The following STYX variants were observed in gnomAD, a reference collection of about 807,000 sequenced individuals.
STYX encodes serine/threonine/tyrosine interacting protein, also known as serine/threonine/tyrosine-interacting protein.
In STYX, 20 loss-of-function variants were observed where a neutral mutation model predicts 42.7. That is an observed-to-expected ratio of 0.47 (90% CI 0.33 to 0.68). STYX has a LOEUF of 0.68. STYX is among the 30% of genes least tolerant of loss of function. The pLI is 0.02. For synonymous variants in STYX, 78 were observed against 81.9 expected (o/e 0.95, Z 0.26); for missense variants, 226 against 268.5 (o/e 0.84, Z 1.11).
At chr14:52,732,475 A>T (rs1014480552) in intron 1 of STYX, among the ~76,000 whole-genome samples, 2 of 151,684 alleles carry the variant, frequency 1.3e-5, no homozygotes, top group Admixed American at 6.6e-5. Context: ...GGGTTTCACC[A>T]TGTTGGCCAG....
At chr14:52,743,042 C>T (rs1476027917) in intron 1 of STYX, among the ~76,000 whole-genome samples, 3 of 151,604 alleles carry the variant, frequency 2.0e-5, no homozygotes, top group African/African-American at 4.8e-5. Context: ...GTGATCCACC[C>T]GCCTCAGCCT....
rs909462362 is a variant in STYX at position 52,772,980 on chromosome 14, C to A, written c.*1874C>A. ...AAAAGTTCCAGATAACACAGCTTTC[C>A]TGTATATAGATCACTATTGGGCAGG... On this transcript the variant is annotated 3_prime_UTR_variant, in exon 11 of 11. Transcript: ENST00000354586. 3.3e-5 allele frequency: 5 copies of A among 152,016 alleles called. No homozygotes were observed. The highest frequency in any genetic ancestry group is 1.2e-4 in the African/African-American group (5 of 41,354). 9.4% of individuals were successfully genotyped at this position (152,016 alleles called of 1,614,324 possible). A position where few individuals can be genotyped will look rare whatever the true frequency, so the allele number is the denominator to read the frequency against.
At chr14:52,748,507 C>T (rs886935682) in intron 3 of STYX, among the ~76,000 whole-genome samples, 6 of 152,084 alleles carry the variant, frequency 3.9e-5, no homozygotes, top group Non-Finnish European at 7.4e-5. Flanking sequence ...AATTTAGGGC[C>T]TTTGTAATTA....
chr14:52,746,538 A>C (rs1402775914), intron 3 of STYX, 59 bp downstream of exon 3: 2 of 1,416,168 alleles, frequency 1.4e-6, no homozygotes, highest in Non-Finnish European at 1.9e-6. Flanking sequence ...TTCTTGGGTA[A>C]GTTTTTTAGT....
intron 10 of STYX, among the ~76,000 whole-genome samples, chr14:52,769,158 C>T (rs1013599169): frequency 1.3e-5 from 2 of 152,068 alleles, no homozygotes; most frequent in Non-Finnish European, 2.9e-5. Context: ...TAATACGAAT[C>T]TGGAGAAGGG....
chr14:52,754,179 C>T (rs778429435), intron 4 of STYX, among the ~76,000 whole-genome samples: 4 of 151,898 alleles, frequency 2.6e-5, no homozygotes, highest in East Asian at 1.9e-4. Context: ...TGAGCCACTG[C>T]GCCCGGCCTG....
intron 4 of STYX, 126 bp from the exon 5 acceptor site, chr14:52,756,425 G>T: frequency 1.7e-6 from 1 of 592,576 alleles, no homozygotes; most frequent in East Asian, 3.2e-5. Flanking sequence ...CAGTTCTTGG[G>T]AATATGATAC....
chr14:52,755,548 A>G (rs1401995826), intron 4 of STYX, among the ~76,000 whole-genome samples: 1 of 152,200 alleles, frequency 6.6e-6, no homozygotes, highest in Non-Finnish European at 1.5e-5. Flanking sequence ...CTAATTGCCT[A>G]TAGTTGTGTT....
At chr14:52,744,200 C>G (rs757525614) in intron 1 of STYX, among the ~76,000 whole-genome samples, 7 of 151,912 alleles carry the variant, frequency 4.6e-5, no homozygotes, top group Non-Finnish European at 8.8e-5. Context: ...TATCTTTTAC[C>G]ATTGACATTT....
chr14:52,745,823 C>G (rs1467943955), intron 2 of STYX, among the ~76,000 whole-genome samples: 1 of 152,030 alleles, frequency 6.6e-6, no homozygotes, highest in Non-Finnish European at 1.5e-5. Flanking sequence ...TAGGTGAGTA[C>G]CTATGAGGCA....
At chr14:52,756,423 G>A (rs932263645) in intron 4 of STYX, 128 bp from the exon 5 acceptor site, 51 of 579,122 alleles carry the variant, frequency 8.8e-5, no homozygotes, top group Non-Finnish European at 1.4e-4. Flanking sequence ...CACAGTTCTT[G>A]GGAATATGAT....
intron 4 of STYX, among the ~76,000 whole-genome samples, chr14:52,754,670 G>A (rs1225208408): frequency 2.0e-5 from 3 of 151,840 alleles, no homozygotes; most frequent in African/African-American, 4.8e-5. Context: ...GTGTATTTAC[G>A]TATATATGCA....
chr14:52,731,001 C>G (rs572693512), intron 1 of STYX, among the ~76,000 whole-genome samples: 2 of 152,326 alleles, frequency 1.3e-5, no homozygotes, highest in South Asian at 4.1e-4. Context: ...TTAGACAAAG[C>G]TATGACCCGC....
intron 1 of STYX, among the ~76,000 whole-genome samples, chr14:52,737,909 G>A (rs879291412): frequency 2.0e-5 from 3 of 152,142 alleles, no homozygotes; most frequent in African/African-American, 2.4e-5. Context: ...CCGAGTAGCT[G>A]GGACTACAGG....
Position 52,771,066 on chromosome 14 carries a change from AT to A in STYX, c.636del (p.Phe212LeufsTer37). 6.2e-7 allele frequency: 1 copy of A among 1,613,114 alleles called. No homozygotes were observed. Among genetic ancestry groups the A allele is most frequent in the South Asian group, 1.1e-5 (1 of 91,020 alleles). ...AAGAGAACACATGAAGAAGAGGATG[AT>A]TTTGGAACCATGCAAGTGGCGACTG... ...SLKRTHEEED[D>X]FGTMQVATAQ... On this transcript the variant is annotated frameshift_variant, in exon 11 of 11. Coordinates refer to ENST00000354586, the MANE Select transcript of STYX (RefSeq NM_145251.4). LOFTEE classifies it high-confidence loss of function.
rs2277493 is a variant in STYX, at chr14:52,730,324, G to C, written c.-151G>C. 438,805 of 722,724 alleles carry C rather than the reference G, an allele frequency of 0.61. 134,864 individuals carry two copies. The highest frequency in any genetic ancestry group is 0.74 in the African/African-American group (42,162 of 57,200). The allele number at this position is 722,724 out of a possible 1,614,324, so 44.8% of individuals were successfully genotyped here. A position where few individuals can be genotyped will look rare whatever the true frequency, so the allele number is the denominator to read the frequency against. On this transcript the variant is annotated 5_prime_UTR_variant, in exon 1 of 11. Transcript: ENST00000354586. ...CCGCTGCTGGAGTCACTGGGACCCTGTAGTCTGCGTGTGTTAGTTGTAATC... is the reference window on the plus strand; with the variant it reads ...CCGCTGCTGGAGTCACTGGGACCCTCTAGTCTGCGTGTGTTAGTTGTAATC...
At chr14:52,755,691 T>G (rs1881835026) in intron 4 of STYX, among the ~76,000 whole-genome samples, 1 of 151,146 alleles carries the variant, frequency 6.6e-6, no homozygotes, top group Non-Finnish European at 1.5e-5. Flanking sequence ...TAGTTTTTTT[T>G]TTTTTTTTTT....
intron 1 of STYX, among the ~76,000 whole-genome samples, chr14:52,735,690 C>T (rs956707642): frequency 2.6e-5 from 4 of 152,162 alleles, no homozygotes; most frequent in Non-Finnish European, 1.5e-5. Context: ...GGGAGCACTA[C>T]CTGGAAATCC....
At chr14:52,744,481 C>T (rs1327551004) in intron 1 of STYX, among the ~76,000 whole-genome samples, 1 of 152,174 alleles carries the variant, frequency 6.6e-6, no homozygotes, top group Admixed American at 6.5e-5. Flanking sequence ...TTTTAGGTAT[C>T]TGCTGTCAGT....
Sources: allele counts gnomAD v4.1 joint callset (sites outside exome capture counted in the v4.1 genomes callset), GRCh38; gene constraint gnomAD v4.1.1; transcripts MANE v1.5; gene names NCBI Gene and HGNC (gene_info 2026-07-23, HGNC 2026-07-21).